The following SLC14A1 variants were observed in gnomAD, a reference collection of about 807,000 sequenced individuals.
SLC14A1 encodes urea transporter 1.
SLC14A1 carries 36 observed loss-of-function variants against 39.6 expected under a neutral mutation model. The observed-to-expected ratio is 0.91, with a 90% CI of 0.70 to 1.20. The LOEUF is 1.20. Ranked by LOEUF, SLC14A1 falls within the 50% of genes most tolerant of loss-of-function variation. The pLI, the probability that SLC14A1 is intolerant of heterozygous loss-of-function variation, is 0.00. For synonymous variants in SLC14A1, 164 were observed against 173.6 expected, an observed-to-expected ratio of 0.94 and a Z score of 0.43; for missense variants, 469 against 478.7, an observed-to-expected ratio of 0.98 and a Z score of 0.19.
At chr18:45,724,660 G>A (rs959207727) in intron 1 of SLC14A1, among the ~76,000 whole-genome samples, 2 of 152,210 alleles carry the variant, frequency 1.3e-5, no homozygotes, top group Non-Finnish European at 2.9e-5. Flanking sequence ...AGTTCGAGGC[G>A]AGTGTCTACA....
chr18:45,751,643 T>A lies in SLC14A1; in HGVS notation c.*1692T>A. ...AATAAAAATAGTAACATTAGCCAGG[T>A]GTAGCAGCACACATCTGCAGCAGCT... On this transcript the variant is annotated 3_prime_UTR_variant, in exon 10 of 10. Coordinates refer to ENST00000321925, the MANE Select transcript of SLC14A1 (RefSeq NM_015865.7). 2.0e-6 allele frequency: 1 copy of A among 491,686 alleles called. No homozygotes were observed. The highest frequency in any genetic ancestry group is 2.6e-6 in the Non-Finnish European group (1 of 379,668). 30.5% of individuals were successfully genotyped at this position (491,686 alleles called of 1,614,324 possible).
rs558732569 is a variant in SLC14A1 at position 45,724,216 on chromosome 18, G to A, written c.-143G>A. The A allele has an allele frequency of 1.3e-5, 2 of 152,396 alleles. No individual in the cohort carries two copies. The highest frequency in any genetic ancestry group is 4.8e-5 in the African/African-American group (2 of 41,584). The allele number at this position is 152,396 out of a possible 1,614,324, so 9.4% of individuals were successfully genotyped here. On this transcript the variant is annotated 5_prime_UTR_variant, in exon 1 of 10. Coordinates refer to ENST00000321925, the MANE Select transcript of SLC14A1 (RefSeq NM_015865.7). ...GAGAAGCACTCTCCCTTGTCGTGGA[G>A]GTGGGCAAATCTTTATCAGCCACTG...
At chr18:45,736,992 AAT>A (rs2047217650) in intron 6 of SLC14A1, among the ~76,000 whole-genome samples, 1 of 152,030 alleles carries the variant, frequency 6.6e-6, no homozygotes, top group Non-Finnish European at 1.5e-5. Context: ...CCTGGTTTTA[AAT>A]CTTCCATAGT....
chr18:45,738,077 A>G (rs1342707114), intron 6 of SLC14A1, among the ~76,000 whole-genome samples: 1 of 152,246 alleles, frequency 6.6e-6, no homozygotes. Context: ...AAGACTCAGC[A>G]TGGGCTGGAA....
In SLC14A1 at chr18:45,750,627, C is replaced by A. The variant is rs1297034224; in HGVS notation, c.*676C>A. On this transcript the variant is annotated 3_prime_UTR_variant, in exon 10 of 10. Transcript: ENST00000321925. ...TGTCAATCAAAATTATTCTGTATTG[C>A]AACTTTTCTCAGAGATTGCAAAGGA... The A allele has an allele frequency of 1.0e-6, 1 of 985,830 alleles. No homozygotes were observed. Among genetic ancestry groups the A allele is most frequent in the Non-Finnish European group, 1.2e-6 (1 of 830,326 alleles). The allele number at this position is 985,830 out of a possible 1,614,324, so 61.1% of individuals were successfully genotyped here. A position where few individuals can be genotyped will look rare whatever the true frequency, so the allele number is the denominator to read the frequency against.
rs1369306829 is a variant in SLC14A1 at position 45,739,176 on chromosome 18, T to C, written c.677T>C (p.Ile226Thr). The C allele has an allele frequency of 6.2e-7, 1 of 1,614,182 alleles. No individual in the cohort carries two copies. The highest frequency in any genetic ancestry group is 2.2e-5 in the East Asian group (1 of 44,886). Reference protein sequence around the residue: ...DLSALELLKSIPVGVGQIYGC... With the variant: ...DLSALELLKSTPVGVGQIYGC... ...TTTCTTTTGCAGTTGTTGAAATCTA[T>C]ACCAGTGGGAGTTGGTCAGATCTAT... The change falls in exon 7 of 10, where the codon ATA becomes ACA. Residue 226 changes from isoleucine (I) to threonine (T), a missense_variant. Ile to Thr is a moderately conservative substitution (Grantham distance 89). Coordinates refer to ENST00000321925, the MANE Select transcript of SLC14A1 (RefSeq NM_015865.7).
chr18:45,739,072 T>C, intron 6 of SLC14A1, 91 bp from the exon 7 acceptor site: 1 of 1,334,908 alleles, frequency 7.5e-7, no homozygotes, highest in Admixed American at 1.7e-5. Context: ...GTATGTCCAA[T>C]CTAAAATTAC....
intron 9 of SLC14A1, among the ~76,000 whole-genome samples, chr18:45,749,551 T>C (rs1343180388): frequency 6.6e-6 from 1 of 152,074 alleles, no homozygotes; most frequent in Non-Finnish European, 1.5e-5. Context: ...GAGAAAGACA[T>C]ACAAGATAGA....
intron 8 of SLC14A1, chr18:45,747,163 G>A (rs2047566676): frequency 6.6e-6 from 1 of 152,164 alleles, no homozygotes; most frequent in African/African-American, 2.4e-5. Context: ...GTCTCACGGT[G>A]AGCTCCGGTG....
chr18:45,735,428 T>G (rs907436626), intron 5 of SLC14A1, among the ~76,000 whole-genome samples: 7 of 151,776 alleles, frequency 4.6e-5, no homozygotes, highest in African/African-American at 1.7e-4. Context: ...GCCCCCCAGG[T>G]CTCCCTTAGA....
At chr18:45,747,267 T>G (rs1224007978) in intron 8 of SLC14A1, 1 of 152,240 alleles carries the variant, frequency 6.6e-6, no homozygotes, top group East Asian at 1.9e-4. Flanking sequence ...GAGCCTTCTC[T>G]TCAACCAAAA....
Position 45,751,785 on chromosome 18 carries a change from AAAATTAAT to A in SLC14A1, c.*1835_*1842del, listed in dbSNP as rs1415533959. 2.1e-4 allele frequency: 169 copies of A among 804,912 alleles called. 1 individual carries two copies. In the Admixed American group the frequency reaches 7.5e-3, roughly 36 times the overall value. The allele number at this position is 804,912 out of a possible 1,614,324, so 49.9% of individuals were successfully genotyped here. ...TGACCGAGCAAGACCCTATCTCAAA[AAAATTAAT>A]TAATTAATTAATTAATTAATTTAAA... On this transcript the variant is annotated 3_prime_UTR_variant, in exon 10 of 10. Coordinates refer to ENST00000321925, the MANE Select transcript of SLC14A1 (RefSeq NM_015865.7).
In SLC14A1 at chr18:45,747,682, G is replaced by A. The variant is rs142109488; in HGVS notation, c.947-694G>A. Among the ~76,000 whole-genome samples, 376 of 152,174 alleles carry A rather than the reference G, an allele frequency of 2.5e-3. 3 individuals are homozygous for A. The highest frequency in any genetic ancestry group is 8.0e-3 in the African/African-American group (331 of 41,514). On this transcript the variant is annotated intron_variant, in intron 8 of 9. Coordinates refer to ENST00000321925, the MANE Select transcript of SLC14A1 (RefSeq NM_015865.7). The stretch of plus-strand genomic sequence containing the variant: ...TGCCCTCCAGCCTGGGCGACTGAGT[G>A]AGACTCCATCTCCAAAAAAAATAAA...
Position 45,748,408 on chromosome 18 carries a change from G to A in SLC14A1, c.979G>A (p.Ala327Thr), listed in dbSNP as rs147114544. The A allele has an allele frequency of 3.7e-6, 6 of 1,613,992 alleles. No individual in the cohort carries two copies. In the East Asian group the frequency reaches 1.1e-4, roughly 30 times the overall value. ...CACGGCCTATCTTGGAGTCGGCATGGCAAACTTTATGGCTGAGGTGAGTTT... is the reference window on the plus strand; with the variant it reads ...CACGGCCTATCTTGGAGTCGGCATGACAAACTTTATGGCTGAGGTGAGTTT... ...LFTAYLGVGMANFMAEVGLPA... is the reference protein window; with the variant it reads ...LFTAYLGVGMTNFMAEVGLPA... The change falls in exon 9 of 10, where the codon GCA (alanine) becomes ACA (threonine). Residue 327 changes from alanine (A) to threonine (T), a missense_variant. By Grantham distance (58) the Ala-to-Thr change is moderately conservative. Coordinates refer to ENST00000321925, the MANE Select transcript of SLC14A1 (RefSeq NM_015865.7).
Position 45,736,537 on chromosome 18 carries a change from G to A in SLC14A1, c.552G>A (p.Leu184=), listed in dbSNP as rs1164298437. Residue 184 remains leucine (L), a synonymous_variant, in exon 6 of 10, where the codon TTG becomes TTA. Transcript: ENST00000321925. The stretch of plus-strand genomic sequence containing the variant: ...TCACCCTCCCTTTCAACATGGCGTT[G>A]TCAATGTACCTTTCAGCCACAGGAC... ...PVFTLPFNMA[L]SMYLSATGHY... 2 of 1,614,140 alleles carry A rather than the reference G, an allele frequency of 1.2e-6. No homozygotes were observed. The highest frequency in any genetic ancestry group is 2.2e-5 in the East Asian group (1 of 44,878).
chr18:45,736,565 T>C lies in SLC14A1; in HGVS notation c.580T>C (p.Tyr194His), dbSNP rs200052220. ...AATGTACCTTTCAGCCACAGGACAT[T>C]ACAATCCATTCTTTCCAGCCAAACT... ...LSMYLSATGHYNPFFPAKLVI... is the reference protein window; with the variant it reads ...LSMYLSATGHHNPFFPAKLVI... The change falls in exon 6 of 10, where the codon TAC becomes CAC. Residue 194 changes from tyrosine (Y) to histidine (H), a missense_variant. Transcript: ENST00000321925. 2 of 1,614,192 alleles carry C rather than the reference T, an allele frequency of 1.2e-6. No homozygotes were observed. The highest frequency in any genetic ancestry group is 2.7e-5 in the African/African-American group (2 of 75,060).
rs996351225 is a variant in SLC14A1, at chr18:45,752,512, C to A, written c.*2561C>A. 2 of 152,508 alleles carry A rather than the reference C, an allele frequency of 1.3e-5. No homozygotes were observed. The highest frequency in any genetic ancestry group is 6.5e-5 in the Admixed American group (1 of 15,280). 9.4% of individuals were successfully genotyped at this position (152,508 alleles called of 1,614,324 possible). On this transcript the variant is annotated 3_prime_UTR_variant, in exon 10 of 10. Transcript: ENST00000321925. The stretch of plus-strand genomic sequence containing the variant: ...TGCAAGTACATGAATAAATTATGCT[C>A]ACAGCTCAGTTTTGTATAATGTGCC...
rs202057781 is a variant in SLC14A1 at position 45,749,980 on chromosome 18, C to A, written c.*29C>A. 24 of 1,613,964 alleles carry A rather than the reference C, an allele frequency of 1.5e-5. No individual in the cohort carries two copies. The highest frequency in any genetic ancestry group is 2.0e-5 in the Non-Finnish European group (24 of 1,180,040). Reference sequence around the variant, plus strand: ...CAAGCCCCATTTGCAGCCATGGTCACGAGTCATTTCTGCCTGACTGCTCCA... The same window carrying A: ...CAAGCCCCATTTGCAGCCATGGTCAAGAGTCATTTCTGCCTGACTGCTCCA... On this transcript the variant is annotated 3_prime_UTR_variant, in exon 10 of 10. Transcript: ENST00000321925.
Position 45,730,369 on chromosome 18 carries a change from A to AG in SLC14A1, c.53dup (p.Glu19Ter). On this transcript the variant is annotated frameshift_variant, in exon 3 of 10. Transcript: ENST00000321925. LOFTEE classifies it high-confidence loss of function. ...TAGAGTGGACAGCCCCACTATGGTT[A>AG]GGGGTGAAAACCAGGTTTCGCCATG... 1 of 1,614,188 alleles carries AG rather than the reference A, an allele frequency of 6.2e-7. No individual in the cohort carries two copies. Among genetic ancestry groups the AG allele is most frequent in the East Asian group, 2.2e-5 (1 of 44,886 alleles).
Sources: allele counts gnomAD v4.1 joint callset (sites outside exome capture counted in the v4.1 genomes callset), GRCh38; gene constraint gnomAD v4.1.1; transcripts MANE v1.5; gene names NCBI Gene and HGNC (gene_info 2026-07-23, HGNC 2026-07-21).